Variants in BRINP3 observed in about 807,000 individuals in gnomAD.
BRINP3 encodes the protein BMP/retinoic acid inducible neural specific 3, also known as BMP/retinoic acid-inducible neural-specific protein 3.
BRINP3 carries 19 observed loss-of-function variants against 71.0 expected under a neutral mutation model. The ratio of observed to expected loss-of-function variants is 0.27; its 90% CI spans 0.19 to 0.39. The LOEUF (loss-of-function observed/expected upper bound fraction) is 0.39. Ranked by LOEUF, BRINP3 falls within the 10% of genes least tolerant of loss-of-function variation. BRINP3 has a pLI of 1.00. For synonymous variants in BRINP3, 380 were observed against 337.7 expected (o/e 1.13, Z -1.37); for missense variants, 959 against 940.8 (o/e 1.02, Z -0.25).
At chr1:190,121,340 C>T (rs977294375) in intron 7 of BRINP3, among the ~76,000 whole-genome samples, 1 of 151,924 alleles carries the variant, frequency 6.6e-6, no homozygotes, top group South Asian at 2.1e-4. Flanking sequence ...TTTACAAAAA[C>T]AAATTACAGT....
chr1:190,122,581 G>A (rs113653194), intron 7 of BRINP3, among the ~76,000 whole-genome samples: 4,718 of 140,016 alleles, frequency 0.034, 287 homozygotes, highest in African/African-American at 0.12. Flanking sequence ...AAAGTGGGGT[G>A]GGGGTGGGGG....
chr1:190,105,114 G>A (rs1030875614), intron 7 of BRINP3, among the ~76,000 whole-genome samples: 1 of 151,994 alleles, frequency 6.6e-6, no homozygotes, highest in East Asian at 1.9e-4. Context: ...ATAAAATTCT[G>A]TCACTGTCTC....
At chr1:190,333,272 G>A (rs1667080933) in intron 2 of BRINP3, among the ~76,000 whole-genome samples, 2 of 151,902 alleles carry the variant, frequency 1.3e-5, no homozygotes, top group African/African-American at 2.4e-5. Flanking sequence ...GTGAACCTAC[G>A]ATTCAATCGT....
chr1:190,296,062 T>C (rs1236654105), intron 2 of BRINP3, among the ~76,000 whole-genome samples: 1 of 148,014 alleles, frequency 6.8e-6, no homozygotes, highest in Non-Finnish European at 1.5e-5. Context: ...TGTTTGCTTT[T>C]GTGGTTTTTT....
At chr1:190,414,870 A>G (rs1368636800) in intron 2 of BRINP3, among the ~76,000 whole-genome samples, 1 of 152,244 alleles carries the variant, frequency 6.6e-6, no homozygotes, top group Non-Finnish European at 1.5e-5. Context: ...AGCTGCTGTC[A>G]TGACATTTGT....
At chr1:190,377,348 T>C (rs1316678500) in intron 2 of BRINP3, among the ~76,000 whole-genome samples, 1 of 151,858 alleles carries the variant, frequency 6.6e-6, no homozygotes, top group African/African-American at 2.4e-5. Context: ...CCTTTAAAAA[T>C]CAAATCAACA....
At chr1:190,326,849 C>A (rs775448212) in intron 2 of BRINP3, among the ~76,000 whole-genome samples, 1 of 151,972 alleles carries the variant, frequency 6.6e-6, no homozygotes, top group Non-Finnish European at 1.5e-5. Flanking sequence ...TGCAAAAACA[C>A]GCTTAAGTAC....
At chr1:190,327,326 C>CAAAAAAAAAAAAAAAAAAAAAAAAAAA (rs1227478693) in intron 2 of BRINP3, among the ~76,000 whole-genome samples, 5 of 44,232 alleles carry the variant, frequency 1.1e-4, no homozygotes, top group African/African-American at 2.1e-4. Flanking sequence ...AAAAAAAGAA[C>CAAAAAAAAAAAAAAAAAAAAAAAAAAA]AAAAAAAAAA....
At chr1:190,369,503 C>T (rs1018426689) in intron 2 of BRINP3, among the ~76,000 whole-genome samples, 15 of 151,810 alleles carry the variant, frequency 9.9e-5, no homozygotes, top group Non-Finnish European at 2.9e-5. Flanking sequence ...TTTCATAAAT[C>T]AATATGTGAA....
intron 6 of BRINP3, among the ~76,000 whole-genome samples, chr1:190,220,684 C>T (rs1181880574): frequency 6.6e-6 from 1 of 151,860 alleles, no homozygotes; most frequent in African/African-American, 2.4e-5. Context: ...CAAAATCATC[C>T]TTAAAACATG....
intron 2 of BRINP3, among the ~76,000 whole-genome samples, chr1:190,329,131 T>C (rs1452772382): frequency 1.3e-5 from 2 of 151,918 alleles, no homozygotes; most frequent in African/African-American, 4.8e-5. Flanking sequence ...GGATATTCAC[T>C]CTCACAATTC....
chr1:190,186,822 T>A (rs1356859966), intron 6 of BRINP3, among the ~76,000 whole-genome samples: 4 of 151,860 alleles, frequency 2.6e-5, no homozygotes, highest in Non-Finnish European at 5.9e-5. Flanking sequence ...AAAAAAAAAA[T>A]AACTCTTTTT....
intron 6 of BRINP3, among the ~76,000 whole-genome samples, chr1:190,224,170 C>T (rs1297322725): frequency 6.6e-6 from 1 of 151,056 alleles, no homozygotes; most frequent in Non-Finnish European, 1.5e-5. Flanking sequence ...CAAAAGATAC[C>T]CAAATAACTA....
chr1:190,120,956 G>T (rs1653598684), intron 7 of BRINP3, among the ~76,000 whole-genome samples: 1 of 152,154 alleles, frequency 6.6e-6, no homozygotes. Flanking sequence ...AAAAGGCAGT[G>T]AGTTAAATTA....
At chr1:190,353,169 T>A (rs901237663) in intron 2 of BRINP3, among the ~76,000 whole-genome samples, 1 of 152,072 alleles carries the variant, frequency 6.6e-6, no homozygotes, top group Non-Finnish European at 1.5e-5. Context: ...GGCCTTTTTA[T>A]AATAAGTTCC....
intron 2 of BRINP3, among the ~76,000 whole-genome samples, chr1:190,303,295 A>G (rs758534091): frequency 6.6e-6 from 1 of 151,800 alleles, no homozygotes; most frequent in Non-Finnish European, 1.5e-5. Context: ...TTTAAATCCA[A>G]TGTTTTATAG....
chr1:190,442,618 A>C (rs571269151), intron 2 of BRINP3, among the ~76,000 whole-genome samples: 42 of 152,192 alleles, frequency 2.8e-4, no homozygotes, highest in Admixed American at 7.9e-4. Context: ...ACAAATTAAG[A>C]AAATTGGATT....
intron 4 of BRINP3, among the ~76,000 whole-genome samples, chr1:190,234,743 A>G (rs1270168170): frequency 6.6e-6 from 1 of 152,080 alleles, no homozygotes; most frequent in Non-Finnish European, 1.5e-5. Flanking sequence ...AGCATAACTC[A>G]TAAAGTCACT....
chr1:190,212,929 A>T (rs1326932222), intron 6 of BRINP3, among the ~76,000 whole-genome samples: 1 of 152,018 alleles, frequency 6.6e-6, no homozygotes, highest in Non-Finnish European at 1.5e-5. Flanking sequence ...TATTATTGCA[A>T]ATTGATTTTA....
Sources: allele counts gnomAD v4.1 joint callset (sites outside exome capture counted in the v4.1 genomes callset), GRCh38; gene constraint gnomAD v4.1.1; transcripts MANE v1.5; gene names NCBI Gene and HGNC (gene_info 2026-07-23, HGNC 2026-07-21).